The following DHX58 variants were observed in gnomAD, a reference collection of about 807,000 sequenced individuals.
DHX58 encodes the protein ATP-dependent RNA helicase DHX58.
DHX58 carries 51 observed loss-of-function variants against 65.0 expected under a neutral mutation model. The observed-to-expected ratio is 0.78, with a 90% CI of 0.63 to 0.99. DHX58 has a LOEUF of 0.99. DHX58 is among the 50% of genes least tolerant of loss of function. The probability of loss-of-function intolerance (pLI) is 0.00; values close to 1 mark genes in which losing one functional copy is unlikely to be tolerated. For missense variants in DHX58, 773 were observed against 891.8 expected (o/e 0.87, Z 1.70); for synonymous variants, 350 against 365.0 (o/e 0.96, Z 0.47).
At chr17:42,102,889 T>G (rs1418112363) in intron 12 of DHX58, 2 of 152,132 alleles carry the variant, frequency 1.3e-5, no homozygotes, top group Non-Finnish European at 2.9e-5. Flanking sequence ...GTTCAAGTGA[T>G]TCTCATGCCT....
rs1555661521 is a variant in DHX58 at position 42,101,653 on chromosome 17, G to T, written c.*108C>A. ...GGGTGCCCAGGACTCCTGTGTGGCT[G>T]GTGGGCCTGATGCCCACAGCTGATG... On this transcript the variant is annotated 3_prime_UTR_variant, in exon 14 of 14. Coordinates refer to ENST00000251642, the MANE Select transcript of DHX58 (RefSeq NM_024119.3). 3 of 1,430,024 alleles carry T rather than the reference G, an allele frequency of 2.1e-6. No homozygotes were observed. The highest frequency in any genetic ancestry group is 2.7e-5 in the South Asian group (2 of 73,892). 88.6% of individuals were successfully genotyped at this position (1,430,024 alleles called of 1,614,324 possible).
At chr17:42,107,146 G>A (rs2054073126) in intron 8 of DHX58, among the ~76,000 whole-genome samples, 1 of 152,148 alleles carries the variant, frequency 6.6e-6, no homozygotes, top group Non-Finnish European at 1.5e-5. Flanking sequence ...AGGATCACTT[G>A]AGCCCAGGAG....
chr17:42,111,837 T>C lies in DHX58; in HGVS notation c.56A>G (p.Asn19Ser), dbSNP rs1238078903. 4 of 1,613,938 alleles carry C rather than the reference T, an allele frequency of 2.5e-6. No homozygotes were observed. The highest frequency in any genetic ancestry group is 3.4e-6 in the Non-Finnish European group (4 of 1,179,958). The stretch of plus-strand genomic sequence containing the variant: ...ACCCGTGGGCAGCCAGATGATGATA[T>C]TCTTGCCCTCCAGGGCAGGCATGAT... ...EVIMPALEGK[N>S]IIIWLPTGAG... The change falls in exon 3 of 14, where the codon AAT (asparagine) becomes AGT (serine). Residue 19 changes from asparagine (N) to serine (S), a missense_variant. Asn to Ser is a conservative substitution (Grantham distance 46). Coordinates refer to ENST00000251642, the MANE Select transcript of DHX58 (RefSeq NM_024119.3).
At position 42,103,808 on chromosome 17, in the gene DHX58, G is replaced by C. The variant is rs199709706; in HGVS notation, c.1564-10C>G. On this transcript the variant is annotated splice_polypyrimidine_tract_variant and intron_variant, in intron 11 of 13. Coordinates refer to ENST00000251642, the MANE Select transcript of DHX58 (RefSeq NM_024119.3). ...GCTGCAGATCCCGGATCTGGGGTGG[G>C]AGGAGACACCAGGCATGGCTGGGGC... 5 of 1,600,086 alleles carry C rather than the reference G, an allele frequency of 3.1e-6. No homozygotes were observed. Among genetic ancestry groups the C allele is most frequent in the Non-Finnish European group, 4.2e-6 (5 of 1,177,022 alleles).
rs1555662252 is a variant in DHX58 at position 42,104,880 on chromosome 17, T to C, written c.1449A>G (p.Ala483=). ...RADQSVYAFV[A]TEGSRELKRE... is the part of the protein sequence containing the mutation. Reference sequence around the variant, plus strand: ...GCTTCAGCTCCCGGCTACCTTCAGTTGCTACAAACGCGTATACACTCTGAT... The same window carrying C: ...GCTTCAGCTCCCGGCTACCTTCAGTCGCTACAAACGCGTATACACTCTGAT... Residue 483 remains alanine, a synonymous_variant, in exon 11 of 14, where the codon GCA becomes GCG. Transcript: ENST00000251642. The C allele has an allele frequency of 1.9e-6, 3 of 1,614,030 alleles. No individual in the cohort carries two copies. In the African/African-American group the frequency reaches 4.0e-5, roughly 22 times the overall value.
At chr17:42,111,009 C>T (rs1296802516) in intron 4 of DHX58, 96 bp from the exon 5 acceptor site, 3 of 1,383,304 alleles carry the variant, frequency 2.2e-6, no homozygotes, top group African/African-American at 2.9e-5. Flanking sequence ...AGAATTCCTT[C>T]TTCCCTTCAC....
intron 3 of DHX58, 40 bp from the exon 4 acceptor site, chr17:42,111,537 T>G (rs376979695): frequency 1.2e-4 from 195 of 1,609,104 alleles, no homozygotes; most frequent in Non-Finnish European, 1.5e-4. Context: ...GAGCTGAATC[T>G]GGGGCCAGGG....
At position 42,105,834 on chromosome 17, in the gene DHX58, G is replaced by A; in HGVS notation, c.1153C>T (p.Leu385Phe). Residue 385 changes from leucine (L) to phenylalanine (F), a missense_variant, in exon 9 of 14, where the codon CTC becomes TTC. Coordinates refer to ENST00000251642, the MANE Select transcript of DHX58 (RefSeq NM_024119.3). Reference protein sequence around the residue: ...RTRQSAHSLLLWLQQQQGLQT... With the variant: ...RTRQSAHSLLFWLQQQQGLQT... ...AGGCCCTGCTGCTGCTGGAGCCAGA[G>A]CAGGAGGGAGTGTGCGCTTTGGCGG... 6.2e-7 allele frequency: 1 copy of A among 1,614,056 alleles called. No individual in the cohort carries two copies. The highest frequency in any genetic ancestry group is 8.5e-7 in the Non-Finnish European group (1 of 1,179,994).
chr17:42,103,381 T>C, intron 12 of DHX58: 2 of 572,398 alleles, frequency 3.5e-6, no homozygotes, highest in Non-Finnish European at 6.1e-6. Flanking sequence ...CAGTTCTTGC[T>C]CAACCAGATA....
At chr17:42,104,565 G>A (rs1023518692) in intron 11 of DHX58, among the ~76,000 whole-genome samples, 8 of 152,186 alleles carry the variant, frequency 5.3e-5, no homozygotes, top group African/African-American at 1.9e-4. Flanking sequence ...GACAAGGCCT[G>A]TTCCCAAGGC....
chr17:42,104,712 G>A (rs2054027386), intron 11 of DHX58, 54 bp downstream of exon 11: 2 of 1,598,398 alleles, frequency 1.3e-6, no homozygotes, highest in Non-Finnish European at 1.7e-6. Context: ...ACCTGCCAGG[G>A]AGGGGCTCCC....
At chr17:42,106,284 G>C (rs1402613784) in intron 8 of DHX58, among the ~76,000 whole-genome samples, 1 of 136,726 alleles carries the variant, frequency 7.3e-6, no homozygotes, top group Non-Finnish European at 1.6e-5. Flanking sequence ...GAGAAGGAAA[G>C]AAGGGAAGGA....
intron 5 of DHX58, among the ~76,000 whole-genome samples, chr17:42,110,082 G>A (rs2054125370): frequency 6.6e-6 from 1 of 151,824 alleles, no homozygotes; most frequent in Non-Finnish European, 1.5e-5. Context: ...AGCTACTCGG[G>A]AGGCTGAGGC....
Position 42,101,863 on chromosome 17 carries a change from C to T in DHX58, c.1935G>A (p.Gly645=). The T allele has an allele frequency of 1.9e-6, 3 of 1,614,244 alleles. No individual in the cohort carries two copies. Among genetic ancestry groups the T allele is most frequent in the Non-Finnish European group, 1.7e-6 (2 of 1,180,044 alleles). ...GGGACCACTTTTTGGCCTGGATCCGCCCCTGAGGGGTCTCCAGCAGCATGC... is the reference window on the plus strand; with the variant it reads ...GGGACCACTTTTTGGCCTGGATCCGTCCCTGAGGGGTCTCCAGCAGCATGC... ...VRSMLLETPQ[G]RIQAKKWSRV... is the part of the protein sequence containing the mutation. Residue 645 remains glycine (G), a synonymous_variant, in exon 14 of 14, where the codon GGG becomes GGA. Transcript: ENST00000251642.
chr17:42,111,209 A>G (rs1312525041), intron 4 of DHX58, 87 bp downstream of exon 4: 3 of 1,516,456 alleles, frequency 2.0e-6, no homozygotes, highest in African/African-American at 2.7e-5. Context: ...TAAAACTCCC[A>G]ACACCTTGAC....
At chr17:42,104,364 A>G (rs1378372778) in intron 11 of DHX58, among the ~76,000 whole-genome samples, 2 of 152,172 alleles carry the variant, frequency 1.3e-5, no homozygotes, top group African/African-American at 2.4e-5. Context: ...CTGGGACAAC[A>G]GGGAGCACCC....
chr17:42,104,617 C>T (rs879982569), intron 11 of DHX58, 149 bp downstream of exon 11: 46 of 1,021,848 alleles, frequency 4.5e-5, no homozygotes, highest in South Asian at 2.5e-4. Context: ...AGCCCCACCC[C>T]GGCCCTTATT....
intron 9 of DHX58, 84 bp from the exon 10 acceptor site, chr17:42,105,251 G>A: frequency 6.8e-7 from 1 of 1,460,562 alleles, no homozygotes; most frequent in Admixed American, 2.6e-5. Flanking sequence ...AGCCTCTTCT[G>A]GTTCAGCCCT....
rs782251742 is a variant in DHX58 at position 42,111,822 on chromosome 17, A to T, written c.71T>A (p.Leu24Gln). The change falls in exon 3 of 14, where the codon CTG (leucine) becomes CAG (glutamine). Residue 24 changes from leucine (L) to glutamine (Q), a missense_variant. Leu to Gln is a moderately radical substitution (Grantham distance 113, BLOSUM62 -2). Coordinates refer to ENST00000251642, the MANE Select transcript of DHX58 (RefSeq NM_024119.3). ...ALEGKNIIIW[L>Q]PTGAGKTRAA... ...CCGGGTCTTCCCGGCACCCGTGGGC[A>T]GCCAGATGATGATATTCTTGCCCTC... 3.1e-5 allele frequency: 50 copies of T among 1,614,040 alleles called. No individual in the cohort carries two copies. The highest frequency in any genetic ancestry group is 4.1e-5 in the Non-Finnish European group (48 of 1,180,008).
Sources: allele counts gnomAD v4.1 joint callset (sites outside exome capture counted in the v4.1 genomes callset), GRCh38; gene constraint gnomAD v4.1.1; transcripts MANE v1.5; gene names NCBI Gene and HGNC (gene_info 2026-07-23, HGNC 2026-07-21).